RECK: variants seen among roughly 807,000 people sequenced by gnomAD.
RECK encodes reversion inducing cysteine rich protein with kazal motifs.
In RECK, 69 loss-of-function variants were observed where a neutral mutation model predicts 115.1. The observed-to-expected ratio is 0.60, with a 90% CI of 0.49 to 0.73. RECK has a LOEUF of 0.73. Ranked by LOEUF, RECK falls within the 30% of genes least tolerant of loss-of-function variation. RECK has a pLI of 0.00. For missense variants in RECK, 1,047 were observed against 1,203.7 expected (o/e 0.87, Z 1.93); for synonymous variants, 414 against 419.7 (o/e 0.99, Z 0.17).
rs777010293 is a variant in RECK, at chr9:36,037,003, C to A, written c.5C>A (p.Ala2Glu). ...CTGGAGCCGCCCGGCCCGGACATGGCGACCGTCCGGGCCTCTCTGCGAGGT... is the reference window on the plus strand; with the variant it reads ...CTGGAGCCGCCCGGCCCGGACATGGAGACCGTCCGGGCCTCTCTGCGAGGT... M[A>E]TVRASLRGAL... Residue 2 changes from alanine to glutamate, a missense_variant, in exon 1 of 21, where the codon GCG becomes GAG. Transcript: ENST00000377966. 1.4e-6 allele frequency: 2 copies of A among 1,429,186 alleles called. No homozygotes were observed. Among genetic ancestry groups the A allele is most frequent in the Non-Finnish European group, 9.2e-7 (1 of 1,089,232 alleles). 88.5% of individuals were successfully genotyped at this position (1,429,186 alleles called of 1,614,324 possible). A position where few individuals can be genotyped will look rare whatever the true frequency, so the allele number is the denominator to read the frequency against.
At chr9:36,099,616 A>G (rs1823485845) in intron 10 of RECK, among the ~76,000 whole-genome samples, 1 of 152,016 alleles carries the variant, frequency 6.6e-6, no homozygotes, top group Non-Finnish European at 1.5e-5. Flanking sequence ...AGTAGCTGGA[A>G]CTAGAGGCGT....
intron 19 of RECK, among the ~76,000 whole-genome samples, chr9:36,121,210 C>T (rs896220868): frequency 1.1e-4 from 16 of 152,182 alleles, no homozygotes; most frequent in East Asian, 1.9e-4. Flanking sequence ...CAACACTTGC[C>T]ACAACCTAGA....
chr9:36,118,889 C>G lies in RECK; in HGVS notation c.2386C>G (p.His796Asp). 6.2e-7 allele frequency: 1 copy of G among 1,613,936 alleles called. No homozygotes were observed. Among genetic ancestry groups the G allele is most frequent in the Non-Finnish European group, 8.5e-7 (1 of 1,180,046 alleles). Residue 796 changes from histidine (H) to aspartate (D), a missense_variant, in exon 18 of 21, where the codon CAC becomes GAC. Coordinates refer to ENST00000377966, the MANE Select transcript of RECK (RefSeq NM_021111.3). Reference protein sequence around the residue: ...DCQAVGVLSEHSSVAECASVK... With the variant: ...DCQAVGVLSEDSSVAECASVK... Reference sequence around the variant, plus strand: ...CCAGGCCGTCGGAGTCCTCTCAGAGCACAGCTCCGTCGCCGAGTGTGCTTC... The same window carrying G: ...CCAGGCCGTCGGAGTCCTCTCAGAGGACAGCTCCGTCGCCGAGTGTGCTTC...
At chr9:36,053,159 A>G (rs975207063) in intron 2 of RECK, among the ~76,000 whole-genome samples, 1 of 152,226 alleles carries the variant, frequency 6.6e-6, no homozygotes, top group Non-Finnish European at 1.5e-5. Context: ...AAGACCATGT[A>G]GGTATTCACT....
At chr9:36,119,099 C>T in intron 18 of RECK, 132 bp downstream of exon 18, 2 of 868,236 alleles carry the variant, frequency 2.3e-6, no homozygotes, top group Non-Finnish European at 3.5e-6. Flanking sequence ...TTATGCTGAT[C>T]ATACTCACTA....
chr9:36,115,919 G>A (rs1302069386), intron 16 of RECK, among the ~76,000 whole-genome samples: 1 of 151,976 alleles, frequency 6.6e-6, no homozygotes, highest in Non-Finnish European at 1.5e-5. Flanking sequence ...AATTAGGAAA[G>A]CAGAAAAAAG....
chr9:36,112,267 T>C (rs1438762925), intron 15 of RECK, 38 bp from the exon 16 acceptor site: 7 of 1,603,066 alleles, frequency 4.4e-6, no homozygotes, highest in East Asian at 2.2e-5. Flanking sequence ...AGGGGGAATA[T>C]ACACATACAT....
At chr9:36,084,019 T>C (rs1822838515) in intron 8 of RECK, among the ~76,000 whole-genome samples, 1 of 152,090 alleles carries the variant, frequency 6.6e-6, no homozygotes, top group Non-Finnish European at 1.5e-5. Context: ...CAATACAGCA[T>C]TGATTAAAAT....
At chr9:36,072,267 A>G (rs1251827652) in intron 6 of RECK, among the ~76,000 whole-genome samples, 1 of 152,132 alleles carries the variant, frequency 6.6e-6, no homozygotes, top group Admixed American at 6.6e-5. Flanking sequence ...TTGGTTCTAG[A>G]TTTACTACCA....
chr9:36,091,469 T>A (rs1187429098), intron 10 of RECK, 126 bp downstream of exon 10: 2 of 751,024 alleles, frequency 2.7e-6, no homozygotes, highest in Non-Finnish European at 2.0e-6. Context: ...ATTTAATCTT[T>A]AAATGCAGTA....
At chr9:36,089,357 A>G (rs943117871) in intron 9 of RECK, among the ~76,000 whole-genome samples, 1 of 152,322 alleles carries the variant, frequency 6.6e-6, no homozygotes, top group Admixed American at 6.5e-5. Flanking sequence ...TGGTTTGCTG[A>G]AGGCTTGCAT....
intron 19 of RECK, 73 bp downstream of exon 19, chr9:36,120,809 G>A (rs1824432905): frequency 2.9e-6 from 3 of 1,029,988 alleles, no homozygotes; most frequent in African/African-American, 3.2e-5. Flanking sequence ...AGAGTAGAAT[G>A]TGTTGTCCTC....
At chr9:36,110,108 C>A in intron 15 of RECK, 29 bp downstream of exon 15, 1 of 1,572,584 alleles carries the variant, frequency 6.4e-7, no homozygotes, top group South Asian at 1.1e-5. Flanking sequence ...AGTCTGTCCT[C>A]AGGGGCCATC....
chr9:36,049,755 C>G (rs900707828), intron 1 of RECK, among the ~76,000 whole-genome samples: 6 of 152,242 alleles, frequency 3.9e-5, no homozygotes, highest in African/African-American at 1.4e-4. Flanking sequence ...TCTACAACTG[C>G]TCAAAAGTAG....
chr9:36,072,222 A>C (rs183942036), intron 6 of RECK, among the ~76,000 whole-genome samples: 1 of 152,272 alleles, frequency 6.6e-6, no homozygotes, highest in Non-Finnish European at 1.5e-5. Flanking sequence ...TGTATCTATT[A>C]ATTTTATTTT....
chr9:36,068,135 C>G (rs1315881708), intron 6 of RECK, among the ~76,000 whole-genome samples: 1 of 152,038 alleles, frequency 6.6e-6, no homozygotes, highest in Non-Finnish European at 1.5e-5. Flanking sequence ...ATAACAAAAC[C>G]AATATTTTAG....
Position 36,117,157 on chromosome 9 carries a change from T to C in RECK, c.2233T>C (p.Ser745Pro), listed in dbSNP as rs758215357. The change falls in exon 17 of 21, where the codon TCT becomes CCT. Residue 745 changes from serine (S) to proline (P), a missense_variant. Physicochemically the swap from Ser to Pro is moderately conservative, Grantham distance 74. Coordinates refer to ENST00000377966, the MANE Select transcript of RECK (RefSeq NM_021111.3). ...CTLYQRGKSL[S>P]YKGPCQPFCR... ...TTTATACCAAAGAGGAAAAAGCCTC[T>C]CTTACAAAGGTCCCTGCCAGGTACA... is the stretch of plus-strand genomic sequence containing the variant. The C allele has an allele frequency of 5.0e-6, 8 of 1,612,068 alleles. No individual in the cohort carries two copies. The Admixed American group carries it at 1.3e-4, about 27-fold the overall frequency.
rs1386400927 is a variant in RECK at position 36,052,245 on chromosome 9, T to C, written c.101-20T>C. ...TGTTTAACAGTGGAACAACATTTGA[T>C]GTTTATTTTTTCTCCCTAGGTGCAT... is the stretch of plus-strand genomic sequence containing the variant. On this transcript the variant is annotated intron_variant, in intron 1 of 20. Transcript: ENST00000377966. 2.0e-6 allele frequency: 3 copies of C among 1,525,096 alleles called. No individual in the cohort carries two copies. The highest frequency in any genetic ancestry group is 2.7e-6 in the Non-Finnish European group (3 of 1,099,196). 94.5% of individuals were successfully genotyped at this position (1,525,096 alleles called of 1,614,324 possible).
At chr9:36,085,098 A>C in intron 8 of RECK, 1 of 162,442 alleles carries the variant, frequency 6.2e-6, no homozygotes, top group Non-Finnish European at 1.4e-5. Flanking sequence ...AAAAAAAAGT[A>C]AATCACAGAA....
Sources: allele counts gnomAD v4.1 joint callset (sites outside exome capture counted in the v4.1 genomes callset), GRCh38; gene constraint gnomAD v4.1.1; transcripts MANE v1.5; gene names NCBI Gene and HGNC (gene_info 2026-07-23, HGNC 2026-07-21).